Variants in CACNA1I observed in about 807,000 individuals in gnomAD.
CACNA1I encodes the protein calcium voltage-gated channel subunit alpha1 I, also known as voltage-dependent T-type calcium channel subunit alpha-1I.
Under a neutral mutation model 201.6 loss-of-function variants are expected in CACNA1I, and 74 were observed. That is an observed-to-expected ratio of 0.37 (90% CI 0.30 to 0.45). CACNA1I has a LOEUF of 0.45. Ranked by LOEUF, CACNA1I falls within the 20% of genes least tolerant of loss-of-function variation. The pLI is 1.00. For missense variants in CACNA1I, 2,346 were observed against 3,138.1 expected, an observed-to-expected ratio of 0.75 and a Z score of 6.03; for synonymous variants, 1,431 against 1,345.2, an observed-to-expected ratio of 1.06 and a Z score of -1.40.
At chr22:39,680,848 C>T in intron 33 of CACNA1I, 82 bp from the exon 34 acceptor site, 2 of 1,475,842 alleles carry the variant, frequency 1.4e-6, no homozygotes, top group East Asian at 2.3e-5. Context: ...TTCAGAGCCT[C>T]AGGCCTGTGG....
chr22:39,658,136 C>T lies in CACNA1I; in HGVS notation c.1993-16C>T, dbSNP rs775082701. ...GGCCTGACCGGGTCTCCATTCCCCA[C>T]CCCAATGCCCCACAGCCGGAGGAGC... On this transcript the variant is annotated splice_polypyrimidine_tract_variant and intron_variant, in intron 10 of 36. Transcript: ENST00000402142. 1.9e-6 allele frequency: 3 copies of T among 1,612,970 alleles called. No homozygotes were observed. Among genetic ancestry groups the T allele is most frequent in the Admixed American group, 1.7e-5 (1 of 59,982 alleles).
chr22:39,672,824 G>T, intron 27 of CACNA1I, 125 bp from the exon 28 acceptor site: 1 of 1,029,408 alleles, frequency 9.7e-7, no homozygotes. Flanking sequence ...AGGGAGGGCA[G>T]CCACACAGCC....
intron 1 of CACNA1I, among the ~76,000 whole-genome samples, chr22:39,577,307 A>T (rs1307689234): frequency 6.6e-6 from 1 of 152,228 alleles, no homozygotes; most frequent in Non-Finnish European, 1.5e-5. Context: ...AAGTGCTGGG[A>T]TTACAGGCGG....
intron 10 of CACNA1I, among the ~76,000 whole-genome samples, chr22:39,657,020 T>G (rs1413107914): frequency 6.6e-6 from 1 of 152,022 alleles, no homozygotes; most frequent in South Asian, 2.1e-4. Flanking sequence ...CTTGGATGAA[T>G]TGGTTCCTCA....
At chr22:39,579,150 G>A (rs1387024460) in intron 1 of CACNA1I, among the ~76,000 whole-genome samples, 1 of 152,232 alleles carries the variant, frequency 6.6e-6, no homozygotes, top group African/African-American at 2.4e-5. Context: ...CCAATGCCCA[G>A]CACAGGCCTG....
intron 1 of CACNA1I, among the ~76,000 whole-genome samples, chr22:39,580,594 C>T (rs1052495352): frequency 2.6e-5 from 4 of 152,102 alleles, no homozygotes; most frequent in African/African-American, 9.7e-5. Context: ...GTTTTCCAGG[C>T]AGAGGGAACA....
chr22:39,673,057 C>T lies in CACNA1I; in HGVS notation c.4758C>T (p.Ile1586=), dbSNP rs1935417597. 1 of 1,613,478 alleles carries T rather than the reference C, an allele frequency of 6.2e-7. No individual in the cohort carries two copies. ...CCATCAATCCCACCATCATCCGCAT[C>T]ATGAGGGTTCTGCGCATTGCCCGAG... ...ALPINPTIIR[I]MRVLRIARVL... is the part of the protein sequence containing the mutation. Residue 1586 remains isoleucine (I), a synonymous_variant, in exon 28 of 37, where the codon ATC becomes ATT. Transcript: ENST00000402142.
chr22:39,685,641 T>C lies in CACNA1I; in HGVS notation c.6028-120T>C. 1 of 850,764 alleles carries C rather than the reference T, an allele frequency of 1.2e-6. No homozygotes were observed. The highest frequency in any genetic ancestry group is 1.7e-6 in the Non-Finnish European group (1 of 603,368). The allele number at this position is 850,764 out of a possible 1,614,324, so 52.7% of individuals were successfully genotyped here. On this transcript the variant is annotated intron_variant, in intron 36 of 36. Transcript: ENST00000402142. This position sits in a 1 kb window ranked among gnomAD's most constrained non-coding sequence, Gnocchi z 5.0. ...GACGTGCGGAGGGGAGAAGCCCTGC[T>C]CCGAAGGGAGCTCCTTGGATGGGGT... is the stretch of plus-strand genomic sequence containing the variant.
chr22:39,618,017 G>T (rs1933597211), intron 3 of CACNA1I, among the ~76,000 whole-genome samples: 1 of 151,870 alleles, frequency 6.6e-6, no homozygotes, highest in Admixed American at 6.6e-5. Context: ...AAGGGAGTGA[G>T]TGTGTGTGTG....
chr22:39,663,712 GC>G lies in CACNA1I; in HGVS notation c.3474-3del. The G allele has an allele frequency of 8.9e-7, 1 of 1,118,654 alleles. No homozygotes were observed. The highest frequency in any genetic ancestry group is 1.3e-6 in the Non-Finnish European group (1 of 744,432). The allele number at this position is 1,118,654 out of a possible 1,614,324, so 69.3% of individuals were successfully genotyped here. ...CGCTCAGGCAGCCCCCGCCCACCCT[GC>G]CCAGGTTCCGGGTCCTGTGTCAGAC... On this transcript the variant is annotated splice_region_variant and splice_polypyrimidine_tract_variant and intron_variant, in intron 18 of 36. Coordinates refer to ENST00000402142, the MANE Select transcript of CACNA1I (RefSeq NM_021096.4).
At chr22:39,670,350 C>T (rs931574033) in intron 25 of CACNA1I, 120 bp downstream of exon 25, 5 of 1,008,692 alleles carry the variant, frequency 5.0e-6, no homozygotes, top group Middle Eastern at 3.2e-4. Context: ...CCCCTGTGCC[C>T]AGGGCTCAGC....
In CACNA1I at chr22:39,598,742, C is replaced by T. The variant is rs539357844; in HGVS notation, c.348+480C>T. On this transcript the variant is annotated intron_variant, in intron 2 of 36. Transcript: ENST00000402142. ...CCCTAGATGCCCTTTAGGAGCGGGC[C>T]TCTGGTTTTACATTCTGTTATCTCC... is the stretch of plus-strand genomic sequence containing the variant. Among the ~76,000 whole-genome samples the T allele has an allele frequency of 5.3e-5, 8 of 152,030 alleles. No homozygotes were observed. The South Asian group carries it at 1.7e-3, about 31-fold the overall frequency.
chr22:39,598,274 G>GCCCCA lies in CACNA1I; in HGVS notation c.348+16_348+17insACCCC. ...GCAAGATCCTGCAGGTGAGCCGGCC[G>GCCCCA]CCCCGCCCCGCCCCGCCCTGCCCTC... On this transcript the variant is annotated intron_variant, in intron 2 of 36. Coordinates refer to ENST00000402142, the MANE Select transcript of CACNA1I (RefSeq NM_021096.4). 2 of 1,311,222 alleles carry GCCCCA rather than the reference G, an allele frequency of 1.5e-6. No individual in the cohort carries two copies. Among genetic ancestry groups the GCCCCA allele is most frequent in the Non-Finnish European group, 2.1e-6 (2 of 971,814 alleles). The allele number at this position is 1,311,222 out of a possible 1,614,324, so 81.2% of individuals were successfully genotyped here. A position where few individuals can be genotyped will look rare whatever the true frequency, so the allele number is the denominator to read the frequency against.
At chr22:39,584,395 C>T (rs534096354) in intron 1 of CACNA1I, among the ~76,000 whole-genome samples, 6 of 152,200 alleles carry the variant, frequency 3.9e-5, no homozygotes, top group African/African-American at 9.6e-5. Flanking sequence ...CTCTTCTGGA[C>T]GTGATGAATC....
At chr22:39,588,163 T>G (rs1436146396) in intron 1 of CACNA1I, among the ~76,000 whole-genome samples, 1 of 143,952 alleles carries the variant, frequency 6.9e-6, no homozygotes, top group Non-Finnish European at 1.5e-5. Flanking sequence ...GACAAAGTCT[T>G]GCTCTGTCAC....
intron 10 of CACNA1I, among the ~76,000 whole-genome samples, chr22:39,651,026 A>T (rs1934631107): frequency 6.6e-6 from 1 of 152,088 alleles, no homozygotes. Context: ...CCCATTTGGA[A>T]AAACACCATT....
intron 10 of CACNA1I, among the ~76,000 whole-genome samples, chr22:39,652,600 G>A (rs145134716): frequency 2.0e-5 from 3 of 152,248 alleles, no homozygotes; most frequent in South Asian, 2.1e-4. Flanking sequence ...ATCACATAAC[G>A]TTTGGGTTTC....
chr22:39,598,823 A>G (rs1267268534), intron 2 of CACNA1I, among the ~76,000 whole-genome samples: 1 of 151,744 alleles, frequency 6.6e-6, no homozygotes, highest in African/African-American at 2.4e-5. Context: ...TGTGCAGAGC[A>G]TGTATACGGG....
chr22:39,678,212 A>C, intron 31 of CACNA1I, 104 bp downstream of exon 31: 10 of 1,311,096 alleles, frequency 7.6e-6, no homozygotes, highest in Non-Finnish European at 8.4e-6. Flanking sequence ...CCCACCACAC[A>C]TGGGAGGGGC....
Sources: allele counts gnomAD v4.1 joint callset (sites outside exome capture counted in the v4.1 genomes callset), GRCh38; gene constraint gnomAD v4.1.1; non-coding constraint Gnocchi (gnomAD v3.1); transcripts MANE v1.5; gene names NCBI Gene and HGNC (gene_info 2026-07-23, HGNC 2026-07-21).